Variants in ADGB observed in about 807,000 individuals in gnomAD.
ADGB encodes the protein calpain-7-like protein.
A neutral mutation model predicts 210.5 loss-of-function variants in ADGB; 172 were observed. The observed-to-expected ratio is 0.82, with a 90% confidence interval of 0.72 to 0.93. ADGB has a LOEUF of 0.93. Ranked by LOEUF, ADGB falls within the 40% of genes least tolerant of loss-of-function variation. The pLI is 0.00. For synonymous variants in ADGB, 658 were observed against 662.7 expected, an observed-to-expected ratio of 0.99 and a Z score of 0.11; for missense variants, 2,025 against 1,964.8, an observed-to-expected ratio of 1.03 and a Z score of -0.58.
chr6:146,753,321 T>C (rs1405175397), intron 27 of ADGB, among the ~76,000 whole-genome samples: 1 of 152,058 alleles, frequency 6.6e-6, no homozygotes, highest in East Asian at 1.9e-4. Flanking sequence ...CAAAACACAC[T>C]AAATATTTTG....
Position 146,685,770 on chromosome 6 carries a change from A to G in ADGB, c.1253A>G (p.Tyr418Cys), listed in dbSNP as rs1776223687. ...SAIQTSHMVVYATFTPLYLFE... is the reference protein window; with the variant it reads ...SAIQTSHMVVCATFTPLYLFE... Reference sequence around the variant, plus strand: ...ATACAGACCTCTCATATGGTCGTATATGCGACATTTACACCTCTTTATTTG... The same window carrying G: ...ATACAGACCTCTCATATGGTCGTATGTGCGACATTTACACCTCTTTATTTG... The change falls in exon 10 of 36, where the codon TAT (tyrosine) becomes TGT (cysteine). Residue 418 changes from tyrosine (Y) to cysteine (C), a missense_variant. Tyr to Cys is a radical substitution (Grantham distance 194). Coordinates refer to ENST00000397944, the MANE Select transcript of ADGB (RefSeq NM_024694.4). 1 of 1,542,176 alleles carries G rather than the reference A, an allele frequency of 6.5e-7. No homozygotes were observed. Among genetic ancestry groups the G allele is most frequent in the African/African-American group, 1.4e-5 (1 of 72,314 alleles).
intron 2 of ADGB, among the ~76,000 whole-genome samples, chr6:146,636,908 G>C (rs893516718): frequency 2.6e-5 from 4 of 151,960 alleles, no homozygotes; most frequent in Non-Finnish European, 1.5e-5. Flanking sequence ...CCCTAGACAT[G>C]AGGCTAGTCA....
chr6:146,739,598 A>T (rs1777133837), intron 23 of ADGB, among the ~76,000 whole-genome samples: 1 of 152,192 alleles, frequency 6.6e-6, no homozygotes, highest in Non-Finnish European at 1.5e-5. Context: ...TTTGTCTTCC[A>T]TGAGGACCAC....
intron 1 of ADGB, among the ~76,000 whole-genome samples, chr6:146,602,581 T>C (rs1780574429): frequency 6.6e-6 from 1 of 152,148 alleles, no homozygotes; most frequent in Admixed American, 6.5e-5. Flanking sequence ...CAAACATTTG[T>C]TTCTCACAGT....
At position 146,661,908 on chromosome 6, in the gene ADGB, A is replaced by G. The variant is rs959878659; in HGVS notation, c.613-2293A>G. Among the ~76,000 whole-genome samples, 4 of 151,984 alleles carry G rather than the reference A, an allele frequency of 2.6e-5. No homozygotes were observed. In the East Asian group the frequency reaches 7.7e-4, roughly 29 times the overall value. On this transcript the variant is annotated intron_variant, in intron 5 of 35. Coordinates refer to ENST00000397944, the MANE Select transcript of ADGB (RefSeq NM_024694.4). Reference sequence around the variant, plus strand: ...GGGTTAGCAGTAATTTTCTTTCAGCATTTGGTATTTAGTGTGCCATTAATT... The same window carrying G: ...GGGTTAGCAGTAATTTTCTTTCAGCGTTTGGTATTTAGTGTGCCATTAATT...
chr6:146,768,496 T>C (rs1777607272), intron 28 of ADGB, among the ~76,000 whole-genome samples: 1 of 152,148 alleles, frequency 6.6e-6, no homozygotes, highest in South Asian at 2.1e-4. Flanking sequence ...GATGGACTAT[T>C]GAGTAGGTTG....
intron 27 of ADGB, among the ~76,000 whole-genome samples, chr6:146,755,947 T>C (rs911122663): frequency 6.6e-6 from 1 of 152,100 alleles, no homozygotes; most frequent in South Asian, 2.1e-4. Flanking sequence ...AATATCTGTA[T>C]TTTTTTGTTT....
chr6:146,770,457 G>C (rs1777633650), intron 29 of ADGB: 1 of 326,776 alleles, frequency 3.1e-6, no homozygotes, highest in African/African-American at 2.2e-5. Flanking sequence ...AATTCCAACG[G>C]CATCGCACTG....
intron 1 of ADGB, among the ~76,000 whole-genome samples, chr6:146,617,754 A>G (rs1042211306): frequency 6.6e-6 from 1 of 152,010 alleles, no homozygotes; most frequent in African/African-American, 2.4e-5. Context: ...ATTGATTTGC[A>G]TATGTTGAAC....
chr6:146,634,886 A>G (rs1371200025), intron 1 of ADGB, among the ~76,000 whole-genome samples: 1 of 152,050 alleles, frequency 6.6e-6, no homozygotes, highest in Non-Finnish European at 1.5e-5. Context: ...AGACGATCTT[A>G]TACAATCCTT....
At chr6:146,617,223 T>C (rs1277710807) in intron 1 of ADGB, among the ~76,000 whole-genome samples, 1 of 152,166 alleles carries the variant, frequency 6.6e-6, no homozygotes, top group Admixed American at 6.5e-5. Flanking sequence ...ATGAGATTGC[T>C]TTCTTGATTT....
intron 18 of ADGB, chr6:146,725,032 T>C (rs1380642933): frequency 6.6e-6 from 1 of 152,222 alleles, no homozygotes; most frequent in African/African-American, 2.4e-5. Context: ...ATGTCTCTTA[T>C]GCAAAAAGCA....
At chr6:146,783,432 G>A (rs1777829722) in intron 30 of ADGB, among the ~76,000 whole-genome samples, 1 of 152,040 alleles carries the variant, frequency 6.6e-6, no homozygotes, top group African/African-American at 2.4e-5. Context: ...ATTCCTACAA[G>A]AAGACCTCCC....
At position 146,815,011 on chromosome 6, in the gene ADGB, T is replaced by C. The variant is rs192994526; in HGVS notation, c.4819-21T>C. On this transcript the variant is annotated intron_variant, in intron 35 of 35. Transcript: ENST00000397944. ...CCTTTACCAGTGGAACTTATTTGTT[T>C]GGGGTTTTGCTTTGGAACAGGACTC... 9.5e-5 allele frequency: 144 copies of C among 1,522,500 alleles called. No homozygotes were observed. In the African/African-American group the frequency reaches 1.7e-3, roughly 17 times the overall value. 94.3% of individuals were successfully genotyped at this position (1,522,500 alleles called of 1,614,324 possible).
At chr6:146,645,071 G>T (rs984609248) in intron 3 of ADGB, among the ~76,000 whole-genome samples, 40 of 152,010 alleles carry the variant, frequency 2.6e-4, no homozygotes, top group African/African-American at 9.6e-4. Context: ...AGAGATTATT[G>T]AATTTTTGTT....
At chr6:146,631,344 T>C (rs12154113) in intron 1 of ADGB, among the ~76,000 whole-genome samples, 44,467 of 152,100 alleles carry the variant, frequency 0.29, 7,494 homozygotes, top group Admixed American at 0.4. Context: ...GGTATAACCA[T>C]TTTGTAAGGT....
intron 29 of ADGB, among the ~76,000 whole-genome samples, chr6:146,773,089 G>A (rs1777675148): frequency 2.0e-5 from 3 of 152,020 alleles, no homozygotes; most frequent in Non-Finnish European, 2.9e-5. Context: ...CACTATTCAA[G>A]GCCATTCCCA....
intron 35 of ADGB, chr6:146,803,595 C>T: frequency 1.5e-6 from 2 of 1,366,094 alleles, no homozygotes; most frequent in East Asian, 2.3e-5. Flanking sequence ...TCTTAACCTC[C>T]TTCATGTTCT....
chr6:146,700,477 G>A (rs116293137), intron 12 of ADGB, among the ~76,000 whole-genome samples: 3,954 of 152,176 alleles, frequency 0.026, 140 homozygotes, highest in African/African-American at 0.089. Context: ...GATGGCAAGG[G>A]CAATTTGGAG....
Sources: gnomAD v4.1 joint callset for allele counts (sites outside exome capture counted in the v4.1 genomes callset) on GRCh38, gnomAD v4.1.1 for gene constraint, MANE v1.5 for transcripts, NCBI Gene and HGNC (gene_info 2026-07-23, HGNC 2026-07-21) for gene names.